Variants in ABT1 observed in about 807,000 individuals in gnomAD.
The protein encoded by ABT1 is TATA-binding protein-binding protein.
Under a neutral mutation model 14.0 loss-of-function variants are expected in ABT1, and 13 were observed. The ratio of observed to expected loss-of-function variants is 0.93; its 90% confidence interval spans 0.61 to 1.48. The LOEUF (loss-of-function observed/expected upper bound fraction) is 1.48, where lower values mean the gene tolerates loss of function less well. Ranked by LOEUF, ABT1 falls within the 40% of genes most tolerant of loss-of-function variation. ABT1 has a pLI of 0.00. For missense variants in ABT1, 430 were observed against 380.0 expected (o/e 1.13, Z -1.09); for synonymous variants, 165 against 144.6 (o/e 1.14, Z -1.01).
In ABT1 at chr6:26,598,567, A is replaced by G; in HGVS notation, c.741A>G (p.Lys247=). The G allele has an allele frequency of 6.2e-7, 1 of 1,608,162 alleles. No individual in the cohort carries two copies. Among genetic ancestry groups the G allele is most frequent in the Non-Finnish European group, 8.5e-7 (1 of 1,175,682 alleles). Residue 247 remains lysine, a synonymous_variant, in exon 3 of 3, where the codon AAA becomes AAG. Coordinates refer to ENST00000274849, the MANE Select transcript of ABT1 (RefSeq NM_013375.4). ...ATAQDKARSN[K]GLLARIFGAP... Reference sequence around the variant, plus strand: ...CCCAGGACAAGGCCCGCTCCAACAAAGGGCTCCTGGCCAGGATCTTTGGAG... The same window carrying G: ...CCCAGGACAAGGCCCGCTCCAACAAGGGGCTCCTGGCCAGGATCTTTGGAG...
At position 26,598,066 on chromosome 6, in the gene ABT1, G is replaced by T; in HGVS notation, c.394G>T (p.Ala132Ser). 1.2e-6 allele frequency: 2 copies of T among 1,613,966 alleles called. No homozygotes were observed. Among genetic ancestry groups the T allele is most frequent in the Non-Finnish European group, 1.7e-6 (2 of 1,179,892 alleles). Residue 132 changes from alanine to serine, a missense_variant, in exon 2 of 3, where the codon GCC becomes TCC. Coordinates refer to ENST00000274849, the MANE Select transcript of ABT1 (RefSeq NM_013375.4). ...AASLHNTPMG[A>S]RRRSPFRYDL... ...CAGTCTACACAACACGCCTATGGGT[G>T]CCCGCAGGCGCAGCCCCTTCCGTTA...
In ABT1 at chr6:26,598,050, C is replaced by T. The variant is rs781797696; in HGVS notation, c.378C>T (p.His126=). The change falls in exon 2 of 3, where the codon CAC becomes CAT. Residue 126 remains histidine, a synonymous_variant. Coordinates refer to ENST00000274849, the MANE Select transcript of ABT1 (RefSeq NM_013375.4). ...RIAKRVAASL[H]NTPMGARRRS... ...CCAAGCGCGTGGCGGCCAGTCTACACAACACGCCTATGGGTGCCCGCAGGC... is the reference window on the plus strand; with the variant it reads ...CCAAGCGCGTGGCGGCCAGTCTACATAACACGCCTATGGGTGCCCGCAGGC... The T allele has an allele frequency of 1.9e-6, 3 of 1,614,238 alleles. No individual in the cohort carries two copies.
intron 1 of ABT1, 44 bp from the exon 2 acceptor site, chr6:26,597,870 T>TG (rs1554144658): frequency 6.4e-7 from 1 of 1,553,812 alleles, no homozygotes; most frequent in South Asian, 1.2e-5. Flanking sequence ...TTTGAGTGAG[T>TG]GCTGCATAGG....
rs1296660447 is a variant in ABT1, at chr6:26,597,114, G to C, written c.132G>C (p.Val44=). The stretch of plus-strand genomic sequence containing the variant: ...CCTGTGGCAGCAAGAAACGGGTAGT[G>C]CCAGGTATTGTGTACCTGGGCCATA... ...EAACGSKKRV[V]PGIVYLGHIP... is the part of the protein sequence containing the mutation. The change falls in exon 1 of 3, where the codon GTG becomes GTC. Residue 44 remains valine (V), a synonymous_variant. Transcript: ENST00000274849. 6.2e-7 allele frequency: 1 copy of C among 1,613,968 alleles called. No homozygotes were observed. Among genetic ancestry groups the C allele is most frequent in the Admixed American group, 1.7e-5 (1 of 59,992 alleles).
chr6:26,598,156 C>T, intron 2 of ABT1, 46 bp downstream of exon 2: 1 of 1,582,168 alleles, frequency 6.3e-7, no homozygotes, highest in Non-Finnish European at 8.6e-7. Context: ...CTCCCTTCTC[C>T]CCAACTCTGG....
Position 26,597,211 on chromosome 6 carries a change from T to C in ABT1, c.229T>C (p.Phe77Leu). Reference protein sequence around the residue: ...SAYGEVGRVFFQAEDRFVRRK... With the variant: ...SAYGEVGRVFLQAEDRFVRRK... ...CTATGGCGAGGTCGGACGCGTCTTC[T>C]TTCAGGCTGAGGGTAAGTATGCAGG... is the stretch of plus-strand genomic sequence containing the variant. Residue 77 changes from phenylalanine to leucine, a missense_variant, in exon 1 of 3, where the codon TTT becomes CTT. Phe to Leu is a conservative substitution (Grantham distance 22). Transcript: ENST00000274849. 1 of 1,614,150 alleles carries C rather than the reference T, an allele frequency of 6.2e-7. No individual in the cohort carries two copies. The highest frequency in any genetic ancestry group is 1.3e-5 in the African/African-American group (1 of 75,064).
At position 26,598,538 on chromosome 6, in the gene ABT1, A is replaced by G; in HGVS notation, c.712A>G (p.Thr238Ala). The G allele has an allele frequency of 6.2e-7, 1 of 1,613,342 alleles. No homozygotes were observed. Among genetic ancestry groups the G allele is most frequent in the Non-Finnish European group, 8.5e-7 (1 of 1,179,596 alleles). ...PGGRERARLA[T>A]AQDKARSNKG... ...GGGACGTGAACGGGCTCGCCTGGCA[A>G]CTGCCCAGGACAAGGCCCGCTCCAA... The change falls in exon 3 of 3, where the codon ACT becomes GCT. Residue 238 changes from threonine to alanine, a missense_variant. Thr to Ala is a moderately conservative substitution (Grantham distance 58, BLOSUM62 0). Transcript: ENST00000274849.
In ABT1 at chr6:26,597,157, C is replaced by T; in HGVS notation, c.175C>T (p.Pro59Ser). The change falls in exon 1 of 3, where the codon CCC (proline) becomes TCC (serine). Residue 59 changes from proline (P) to serine (S), a missense_variant. By Grantham distance (74) the Pro-to-Ser change is moderately conservative (BLOSUM62 -1). Coordinates refer to ENST00000274849, the MANE Select transcript of ABT1 (RefSeq NM_013375.4). ...GGGCCATATCCCGCCGCGCTTCCGG[C>T]CCCTGCACGTCCGCAACCTTCTCAG... ...YLGHIPPRFR[P>S]LHVRNLLSAY... 6.2e-7 allele frequency: 1 copy of T among 1,614,232 alleles called. No homozygotes were observed. Among genetic ancestry groups the T allele is most frequent in the Non-Finnish European group, 8.5e-7 (1 of 1,180,034 alleles).
chr6:26,598,418 G>A lies in ABT1; in HGVS notation c.592G>A (p.Ala198Thr). Residue 198 changes from alanine to threonine, a missense_variant, in exon 3 of 3, where the codon GCC becomes ACC. Transcript: ENST00000274849. Reference protein sequence around the residue: ...SVERGQRFLAADGDPARPDGS... With the variant: ...SVERGQRFLATDGDPARPDGS... ...GGAACGGGGACAACGCTTTCTTGCGGCCGATGGGGACCCTGCTCGCCCAGA... is the reference window on the plus strand; with the variant it reads ...GGAACGGGGACAACGCTTTCTTGCGACCGATGGGGACCCTGCTCGCCCAGA... 2 of 1,614,260 alleles carry A rather than the reference G, an allele frequency of 1.2e-6. No individual in the cohort carries two copies. Among genetic ancestry groups the A allele is most frequent in the South Asian group, 2.2e-5 (2 of 91,084 alleles).
Position 26,598,771 on chromosome 6 carries a change from C to A in ABT1, c.*126C>A. ...CTCAGACCAAGTGTCTACTGATGGC[C>A]CAAACATGGAGTTTTGTGGGCTTCC... On this transcript the variant is annotated 3_prime_UTR_variant, in exon 3 of 3. Transcript: ENST00000274849. 1 of 1,296,518 alleles carries A rather than the reference C, an allele frequency of 7.7e-7. No individual in the cohort carries two copies. The highest frequency in any genetic ancestry group is 1.0e-6 in the Non-Finnish European group (1 of 977,336). 80.3% of individuals were successfully genotyped at this position (1,296,518 alleles called of 1,614,324 possible). A position where few individuals can be genotyped will look rare whatever the true frequency, so the allele number is the denominator to read the frequency against.
At position 26,600,129 on chromosome 6, in the gene ABT1, CTT is replaced by C. The variant is rs1324564071; in HGVS notation, c.*1485_*1486del. The C allele has an allele frequency of 6.6e-6, 1 of 152,196 alleles. No individual in the cohort carries two copies. Among genetic ancestry groups the C allele is most frequent in the Non-Finnish European group, 1.5e-5 (1 of 68,036 alleles). The allele number at this position is 152,196 out of a possible 1,614,324, so 9.4% of individuals were successfully genotyped here. On this transcript the variant is annotated 3_prime_UTR_variant, in exon 3 of 3. Transcript: ENST00000274849. ...TACGTTTCCATTTAGAAACTTTCGTCTTGTTTCTGTTTTTAATTCTTGTGGGT... is the reference window on the plus strand; with the variant it reads ...TACGTTTCCATTTAGAAACTTTCGTCGTTTCTGTTTTTAATTCTTGTGGGT...
chr6:26,598,530 G>A lies in ABT1; in HGVS notation c.704G>A (p.Arg235His), dbSNP rs897824993. 1 of 1,613,670 alleles carries A rather than the reference G, an allele frequency of 6.2e-7. No homozygotes were observed. Among genetic ancestry groups the A allele is most frequent in the Admixed American group, 1.7e-5 (1 of 60,024 alleles). The change falls in exon 3 of 3, where the codon CGC (arginine) becomes CAC (histidine). Residue 235 changes from arginine to histidine, a missense_variant. Arg to His is a conservative substitution (Grantham distance 29, BLOSUM62 0). Transcript: ENST00000274849. ...CGGCCAGGGGGACGTGAACGGGCTC[G>A]CCTGGCAACTGCCCAGGACAAGGCC... ...AARPGGRERARLATAQDKARS... is the reference protein window; with the variant it reads ...AARPGGRERAHLATAQDKARS...
chr6:26,597,072 G>C lies in ABT1; in HGVS notation c.90G>C (p.Glu30Asp). The C allele has an allele frequency of 3.7e-6, 6 of 1,614,076 alleles. No individual in the cohort carries two copies. Among genetic ancestry groups the C allele is most frequent in the Non-Finnish European group, 5.1e-6 (6 of 1,180,030 alleles). The part of the protein sequence containing the change: ...EQTLDAEEEQ[E>D]ESEEAACGSK... ...CACTAGATGCGGAGGAGGAGCAGGA[G>C]GAATCCGAAGAAGCGGCCTGTGGCA... is the stretch of plus-strand genomic sequence containing the variant. The change falls in exon 1 of 3, where the codon GAG becomes GAC. Residue 30 changes from glutamate to aspartate, a missense_variant. Transcript: ENST00000274849.
At position 26,597,916 on chromosome 6, in the gene ABT1, C is replaced by A; in HGVS notation, c.244C>A (p.Arg82=). The change falls in exon 2 of 3, where the codon CGG becomes AGG. Residue 82 remains arginine, a splice_region_variant and synonymous_variant. Transcript: ENST00000274849. Reference sequence around the variant, plus strand: ...GGGTCTTTGTCTTTGGCGCGCAGACCGGTTCGTGAGACGCAAGAAGAAGGC... The same window carrying A: ...GGGTCTTTGTCTTTGGCGCGCAGACAGGTTCGTGAGACGCAAGAAGAAGGC... ...VGRVFFQAED[R]FVRRKKKAAA... is the part of the protein sequence containing the mutation. 2 of 1,609,492 alleles carry A rather than the reference C, an allele frequency of 1.2e-6. No individual in the cohort carries two copies. Among genetic ancestry groups the A allele is most frequent in the South Asian group, 1.1e-5 (1 of 90,732 alleles).
rs1764952376 is a variant in ABT1, at chr6:26,599,805, A to G, written c.*1160A>G. 1 of 152,210 alleles carries G rather than the reference A, an allele frequency of 6.6e-6. No individual in the cohort carries two copies. Among genetic ancestry groups the G allele is most frequent in the Non-Finnish European group, 1.5e-5 (1 of 68,046 alleles). The allele number at this position is 152,210 out of a possible 1,614,324, so 9.4% of individuals were successfully genotyped here. ...TGAAAACCTAGGTGTCACAATAAAC[A>G]GTCTACACAGTCTCACGTAGACCAA... On this transcript the variant is annotated 3_prime_UTR_variant, in exon 3 of 3. Transcript: ENST00000274849.
chr6:26,598,433 G>T lies in ABT1; in HGVS notation c.607G>T (p.Ala203Ser). Residue 203 changes from alanine to serine, a missense_variant, in exon 3 of 3, where the codon GCT becomes TCT. Coordinates refer to ENST00000274849, the MANE Select transcript of ABT1 (RefSeq NM_013375.4). Reference protein sequence around the residue: ...QRFLAADGDPARPDGSWTFAQ... With the variant: ...QRFLAADGDPSRPDGSWTFAQ... ...CTTTCTTGCGGCCGATGGGGACCCT[G>T]CTCGCCCAGATGGCTCCTGGACATT... The T allele has an allele frequency of 6.2e-7, 1 of 1,614,236 alleles. No homozygotes were observed. The highest frequency in any genetic ancestry group is 8.5e-7 in the Non-Finnish European group (1 of 1,180,044).
rs1764933856 is a variant in ABT1, at chr6:26,598,481, G to A, written c.655G>A (p.Glu219Lys). The change falls in exon 3 of 3, where the codon GAA (glutamate) becomes AAA (lysine). Residue 219 changes from glutamate to lysine, a missense_variant. By Grantham distance (56) the Glu-to-Lys change is moderately conservative (BLOSUM62 1). Transcript: ENST00000274849. ...WTFAQRPTEQELRARKAARPG... is the reference protein window; with the variant it reads ...WTFAQRPTEQKLRARKAARPG... ...ATTTGCCCAGCGTCCTACTGAGCAG[G>A]AACTGAGGGCCCGTAAAGCAGCACG... 1 of 1,614,152 alleles carries A rather than the reference G, an allele frequency of 6.2e-7. No individual in the cohort carries two copies. The highest frequency in any genetic ancestry group is 1.1e-5 in the South Asian group (1 of 91,088).
rs1299457215 is a variant in ABT1, at chr6:26,599,457, A to T, written c.*812A>T. The T allele has an allele frequency of 6.6e-6, 1 of 152,228 alleles. No individual in the cohort carries two copies. The highest frequency in any genetic ancestry group is 2.4e-5 in the African/African-American group (1 of 41,460). The allele number at this position is 152,228 out of a possible 1,614,324, so 9.4% of individuals were successfully genotyped here. ...CGTGGTAGATGCATATAAAGGGTGG[A>T]ATGGGAGCCATGGCAGGTCATAGAG... On this transcript the variant is annotated 3_prime_UTR_variant, in exon 3 of 3. Transcript: ENST00000274849.
Position 26,597,051 on chromosome 6 carries a change from A to G in ABT1, c.69A>G (p.Leu23=). Residue 23 remains leucine, a synonymous_variant, in exon 1 of 3, where the codon CTA becomes CTG. Coordinates refer to ENST00000274849, the MANE Select transcript of ABT1 (RefSeq NM_013375.4). The part of the protein sequence containing the change: ...QEPLEGTEQT[L]DAEEEQEESE... ...CGCTGGAAGGGACAGAACAGACACT[A>G]GATGCGGAGGAGGAGCAGGAGGAAT... 1 of 1,613,914 alleles carries G rather than the reference A, an allele frequency of 6.2e-7. No individual in the cohort carries two copies. Among genetic ancestry groups the G allele is most frequent in the Non-Finnish European group, 8.5e-7 (1 of 1,179,986 alleles).
Sources: allele counts gnomAD v4.1 joint callset, GRCh38; gene constraint gnomAD v4.1.1; transcripts MANE v1.5; gene names NCBI Gene and HGNC (gene_info 2026-07-23, HGNC 2026-07-21).